The following CDK14 variants were observed in gnomAD, a reference collection of about 807,000 sequenced individuals.
The protein encoded by CDK14 is cyclin dependent kinase 14.
Under a neutral mutation model 60.7 loss-of-function variants are expected in CDK14, and 34 were observed. That is an observed-to-expected ratio of 0.56 (90% CI 0.43 to 0.75). The LOEUF (loss-of-function observed/expected upper bound fraction) is 0.75, where lower values mean the gene tolerates loss of function less well. Ranked by LOEUF, CDK14 falls within the 30% of genes least tolerant of loss-of-function variation. CDK14 has a pLI of 0.00. For missense variants in CDK14, 482 were observed against 564.1 expected, an observed-to-expected ratio of 0.85 and a Z score of 1.47; for synonymous variants, 197 against 203.7, an observed-to-expected ratio of 0.97 and a Z score of 0.28.
At chr7:90,683,664 C>T (rs1185516813) in intron 2 of CDK14, among the ~76,000 whole-genome samples, 1 of 152,104 alleles carries the variant, frequency 6.6e-6, no homozygotes, top group East Asian at 1.9e-4. Context: ...AGCTGGGCGT[C>T]GTGGCACATG....
At chr7:90,945,532 C>T (rs1042417967) in intron 8 of CDK14, among the ~76,000 whole-genome samples, 2 of 152,210 alleles carry the variant, frequency 1.3e-5, no homozygotes, top group Non-Finnish European at 2.9e-5. Context: ...TGAGCAAGAG[C>T]TGTAGCCTTC....
At chr7:91,188,191 TA>T (rs752028566) in intron 14 of CDK14, among the ~76,000 whole-genome samples, 57 of 152,134 alleles carry the variant, frequency 3.7e-4, no homozygotes, top group Middle Eastern at 6.8e-3. Context: ...CATTTTTTTT[TA>T]AAAAAAAAGA....
intron 14 of CDK14, among the ~76,000 whole-genome samples, chr7:91,196,545 G>C (rs547211800): frequency 6.6e-6 from 1 of 152,222 alleles, no homozygotes; most frequent in African/African-American, 2.4e-5. Flanking sequence ...AGTGATTCAG[G>C]CAACACTTGT....
intron 5 of CDK14, among the ~76,000 whole-genome samples, chr7:90,853,139 A>C (rs1790705331): frequency 6.6e-6 from 1 of 152,186 alleles, no homozygotes; most frequent in African/African-American, 2.4e-5. Flanking sequence ...GGTAATTTAC[A>C]GCAAATCTTA....
intron 2 of CDK14, among the ~76,000 whole-genome samples, chr7:90,680,744 G>C (rs1484697401): frequency 6.6e-6 from 1 of 152,162 alleles, no homozygotes; most frequent in Admixed American, 6.5e-5. Context: ...GTCTTTTAAA[G>C]TGGAAAAGAA....
In CDK14 at chr7:90,828,264, T is replaced by C. The variant is rs905688484; in HGVS notation, c.545-34911T>C. On this transcript the variant is annotated intron_variant, in intron 5 of 14. Coordinates refer to ENST00000380050, the MANE Select transcript of CDK14 (RefSeq NM_001287135.2). ...GTTTAGGTAACTTACCAGCCAGTGATCTGAGACCTGTTGGAGGTCTGCCAT... is the reference window on the plus strand; with the variant it reads ...GTTTAGGTAACTTACCAGCCAGTGACCTGAGACCTGTTGGAGGTCTGCCAT... 1.6e-3 allele frequency among the ~76,000 whole-genome samples: 248 copies of C among 152,364 alleles called. 3 individuals are homozygous for C. Among genetic ancestry groups the C allele is most frequent in the Non-Finnish European group, 4.0e-4 (27 of 68,026 alleles).
intron 2 of CDK14, among the ~76,000 whole-genome samples, chr7:90,641,799 G>A (rs570050577): frequency 2.0e-5 from 3 of 152,198 alleles, no homozygotes; most frequent in African/African-American, 7.2e-5. Flanking sequence ...CACTGCTGAT[G>A]AAGATATACC....
chr7:90,749,657 A>G (rs189017493), intron 4 of CDK14, among the ~76,000 whole-genome samples: 1 of 152,304 alleles, frequency 6.6e-6, no homozygotes, highest in Non-Finnish European at 1.5e-5. Flanking sequence ...TGCCCCAGCA[A>G]ATCTCCAGGG....
At chr7:90,884,039 G>T (rs1306511455) in intron 6 of CDK14, among the ~76,000 whole-genome samples, 1 of 152,174 alleles carries the variant, frequency 6.6e-6, no homozygotes, top group Non-Finnish European at 1.5e-5. Context: ...AGGCAAGGAT[G>T]CCCTGTCTCA....
chr7:91,099,226 C>T (rs1799091380), intron 12 of CDK14, among the ~76,000 whole-genome samples: 1 of 152,060 alleles, frequency 6.6e-6, no homozygotes, highest in Admixed American at 6.6e-5. Context: ...ACACTTTTTA[C>T]CAGAGCCTCT....
chr7:90,604,732 G>A (rs1368777713), intron 2 of CDK14, among the ~76,000 whole-genome samples: 1 of 152,164 alleles, frequency 6.6e-6, no homozygotes, highest in Non-Finnish European at 1.5e-5. Flanking sequence ...TATCAGATCC[G>A]TCTTGATCTA....
intron 2 of CDK14, among the ~76,000 whole-genome samples, chr7:90,694,137 C>T (rs1801610682): frequency 6.6e-6 from 1 of 152,106 alleles, no homozygotes; most frequent in Non-Finnish European, 1.5e-5. Flanking sequence ...TGCCTTAGGG[C>T]TTGGCACTGT....
At chr7:90,847,500 C>T (rs967068585) in intron 5 of CDK14, among the ~76,000 whole-genome samples, 48 of 152,072 alleles carry the variant, frequency 3.2e-4, no homozygotes, top group African/African-American at 1.2e-3. Context: ...CATACTTTAT[C>T]CCCTGAGCTC....
chr7:90,673,579 GT>G (rs140945123), intron 2 of CDK14, among the ~76,000 whole-genome samples: 9,932 of 152,166 alleles, frequency 0.065, 547 homozygotes, highest in Non-Finnish European at 0.092. Flanking sequence ...TTTAAAATTG[GT>G]TAAGTCTATT....
chr7:90,783,602 A>G (rs140161482), intron 4 of CDK14, among the ~76,000 whole-genome samples: 2,583 of 152,278 alleles, frequency 0.017, 34 homozygotes, highest in South Asian at 0.048. Flanking sequence ...AAGATCGATT[A>G]AAAAATGGGC....
Position 91,209,567 on chromosome 7 carries a change from A to G in CDK14, c.*2431A>G, listed in dbSNP as rs190426743. On this transcript the variant is annotated 3_prime_UTR_variant, in exon 15 of 15. Transcript: ENST00000380050. The stretch of plus-strand genomic sequence containing the variant: ...TCAGACTGTGTTGATTAGCAGATTT[A>G]TTATTCTATTGAGAAAGCACTGGAA... 18 of 152,550 alleles carry G rather than the reference A, an allele frequency of 1.2e-4. No homozygotes were observed. Among genetic ancestry groups the G allele is most frequent in the Admixed American group, 1.1e-3 (17 of 15,266 alleles). The allele number at this position is 152,550 out of a possible 1,614,324, so 9.4% of individuals were successfully genotyped here. A position where few individuals can be genotyped will look rare whatever the true frequency, so the allele number is the denominator to read the frequency against.
At chr7:90,948,915 C>CTG (rs61539008) in intron 8 of CDK14, among the ~76,000 whole-genome samples, 3,367 of 152,296 alleles carry the variant, frequency 0.022, 118 homozygotes, top group African/African-American at 0.076. Context: ...GCTCTAAGAA[C>CTG]AACAGCATGT....
At chr7:90,729,060 G>A (rs1802747033) in intron 3 of CDK14, among the ~76,000 whole-genome samples, 1 of 149,582 alleles carries the variant, frequency 6.7e-6, no homozygotes, top group South Asian at 2.1e-4. Context: ...CATTCGGTAT[G>A]ACTCTTCAAT....
intron 5 of CDK14, among the ~76,000 whole-genome samples, chr7:90,847,584 A>G (rs897162498): frequency 6.6e-6 from 1 of 152,136 alleles, no homozygotes; most frequent in Non-Finnish European, 1.5e-5. Context: ...TTTTAAATGC[A>G]TACAGTTCTC....
Sources: allele counts gnomAD v4.1 joint callset (sites outside exome capture counted in the v4.1 genomes callset), GRCh38; gene constraint gnomAD v4.1.1; transcripts MANE v1.5; gene names NCBI Gene and HGNC (gene_info 2026-07-23, HGNC 2026-07-21).